RALB: variants seen among roughly 807,000 people sequenced by gnomAD.
RALB encodes the protein ras-related protein Ral-B.
Under a neutral mutation model 21.3 loss-of-function variants are expected in RALB, and 16 were observed. The ratio of observed to expected loss-of-function variants is 0.75; its 90% CI spans 0.51 to 1.14. The LOEUF (loss-of-function observed/expected upper bound fraction) is 1.14. Ranked by LOEUF, RALB falls within the 50% of genes most tolerant of loss-of-function variation. RALB has a pLI of 0.00. For missense variants in RALB, 161 were observed against 256.2 expected, an observed-to-expected ratio of 0.63 and a Z score of 2.54; for synonymous variants, 93 against 96.1, an observed-to-expected ratio of 0.97 and a Z score of 0.19.
chr2:120,256,470 T>C (rs564825026), intron 1 of RALB, among the ~76,000 whole-genome samples: 113 of 151,988 alleles, frequency 7.4e-4, no homozygotes, highest in African/African-American at 2.5e-3. Context: ...TGGGAGGTAA[T>C]TGAATCATGA....
At chr2:120,264,562 A>G (rs966145293) in intron 1 of RALB, among the ~76,000 whole-genome samples, 1 of 152,178 alleles carries the variant, frequency 6.6e-6, no homozygotes, top group Non-Finnish European at 1.5e-5. Context: ...CCACAACTGT[A>G]GTTGGTATAT....
At chr2:120,254,314 G>T (rs1422350513) in intron 1 of RALB, among the ~76,000 whole-genome samples, 1 of 152,186 alleles carries the variant, frequency 6.6e-6, no homozygotes, top group East Asian at 1.9e-4. Context: ...CATATCCTTT[G>T]TGCGTGGCTT....
At chr2:120,253,087 C>T (rs1689098597) in intron 1 of RALB, 107 bp downstream of exon 1, 6 of 781,474 alleles carry the variant, frequency 7.7e-6, no homozygotes, top group Non-Finnish European at 9.3e-6. Flanking sequence ...GGGCTGTGGC[C>T]GGGCGGCGGC....
intron 3 of RALB, among the ~76,000 whole-genome samples, chr2:120,288,100 G>A (rs1690210562): frequency 6.6e-6 from 1 of 152,148 alleles, no homozygotes; most frequent in South Asian, 2.1e-4. Flanking sequence ...GGATCGATAT[G>A]TTTATCAATG....
chr2:120,262,613 C>T (rs143634079), intron 1 of RALB, among the ~76,000 whole-genome samples: 6 of 152,252 alleles, frequency 3.9e-5, no homozygotes, highest in South Asian at 2.1e-4. Flanking sequence ...GTTCTAGCAC[C>T]GTAGTTCCCA....
chr2:120,252,579 T>G (rs1689076750), upstream of RALB, among the ~76,000 whole-genome samples: 1 of 152,204 alleles, frequency 6.6e-6, no homozygotes, highest in Non-Finnish European at 1.5e-5. Context: ...GCTCCTCCAC[T>G]GCCGCAGGGT....
intron 1 of RALB, among the ~76,000 whole-genome samples, chr2:120,247,173 C>T (rs567112027): frequency 2.6e-5 from 4 of 152,160 alleles, no homozygotes; most frequent in South Asian, 4.1e-4. Flanking sequence ...GGGGAGGACA[C>T]GAGAGGACAT....
intron 1 of RALB, among the ~76,000 whole-genome samples, chr2:120,262,781 T>A (rs915452989): frequency 6.6e-6 from 1 of 152,248 alleles, no homozygotes; most frequent in African/African-American, 2.4e-5. Flanking sequence ...CCATTGGTTA[T>A]GCCTCTAAGG....
At chr2:120,287,691 A>G (rs1252068971) in intron 3 of RALB, among the ~76,000 whole-genome samples, 11 of 152,258 alleles carry the variant, frequency 7.2e-5, no homozygotes. Context: ...ATGCACAGAT[A>G]GCACTCGGGC....
rs1329417832 is a variant in RALB at position 120,285,879 on chromosome 2, A to G, written c.120A>G (p.Val40=). Residue 40 remains valine, a synonymous_variant, in exon 3 of 5, where the codon GTA becomes GTG. Coordinates refer to ENST00000272519, the MANE Select transcript of RALB (RefSeq NM_002881.3). ...LTLQFMYDEF[V]EDYEPTKADS... ...GATAATGTTTATTTCCTCAGTTTGT[A>G]GAAGACTATGAACCTACCAAAGCTG... is the stretch of plus-strand genomic sequence containing the variant. 1.9e-6 allele frequency: 3 copies of G among 1,612,186 alleles called. No individual in the cohort carries two copies. Among genetic ancestry groups the G allele is most frequent in the South Asian group, 1.1e-5 (1 of 91,040 alleles).
At chr2:120,267,145 C>T (rs1339305527) in intron 1 of RALB, among the ~76,000 whole-genome samples, 1 of 152,142 alleles carries the variant, frequency 6.6e-6, no homozygotes, top group African/African-American at 2.4e-5. Context: ...GAAGGGACTC[C>T]AAAGCCTTCT....
At chr2:120,275,834 G>A (rs1242654090) in intron 1 of RALB, among the ~76,000 whole-genome samples, 3 of 152,196 alleles carry the variant, frequency 2.0e-5, no homozygotes, top group East Asian at 3.8e-4. Flanking sequence ...CAAGGGTGAG[G>A]TTTAGAGCAG....
At chr2:120,293,097 CTCTT>C in intron 4 of RALB, 40 bp from the exon 5 acceptor site, 1 of 1,533,212 alleles carries the variant, frequency 6.5e-7, no homozygotes, top group Non-Finnish European at 8.7e-7. Flanking sequence ...CATTAAATGG[CTCTT>C]TCTTCACTAT....
chr2:120,259,039 T>A (rs1325054992), intron 1 of RALB, among the ~76,000 whole-genome samples: 7 of 150,406 alleles, frequency 4.7e-5, no homozygotes, highest in Admixed American at 4.6e-4. Flanking sequence ...GCGTCTGGAG[T>A]TGTTCGTTCC....
exon 1 of RALB, chr2:120,240,081 A>G (rs1038569785): frequency 2.3e-6 from 3 of 1,289,112 alleles, no homozygotes; most frequent in African/African-American, 3.0e-5. Flanking sequence ...GCAGCGGGAG[A>G]GCGGGTGGCA....
intron 3 of RALB, among the ~76,000 whole-genome samples, chr2:120,287,702 G>A (rs958484370): frequency 5.3e-5 from 8 of 152,220 alleles, no homozygotes; most frequent in African/African-American, 1.2e-4. Context: ...GCACTCGGGC[G>A]TTCTCACAGA....
chr2:120,250,726 C>A (rs947154609), upstream of RALB, among the ~76,000 whole-genome samples: 11 of 152,172 alleles, frequency 7.2e-5, no homozygotes, highest in African/African-American at 2.4e-4. Context: ...ACTCAGCAGA[C>A]AAGAGGTCCC....
At chr2:120,287,277 G>C (rs990899267) in intron 3 of RALB, among the ~76,000 whole-genome samples, 3 of 152,180 alleles carry the variant, frequency 2.0e-5, no homozygotes, top group African/African-American at 7.2e-5. Context: ...ATAATAGGGA[G>C]GTGCCTCAGT....
rs1689930083 is a variant in RALB at position 120,279,471 on chromosome 2, A to AT, written c.114+694dup. Among the ~76,000 whole-genome samples, 9 of 152,222 alleles carry AT rather than the reference A, an allele frequency of 5.9e-5. No individual in the cohort carries two copies. In the South Asian group the frequency reaches 1.9e-3, roughly 32 times the overall value. Reference sequence around the variant, plus strand: ...AAACCCAATGAAAAATAACAATGCAATGATAAAAACAATACAAATTAAAAC... The same window carrying AT: ...AAACCCAATGAAAAATAACAATGCAATTGATAAAAACAATACAAATTAAAAC... On this transcript the variant is annotated intron_variant, in intron 2 of 4. Transcript: ENST00000272519.
Sources: gnomAD v4.1 joint callset for allele counts (sites outside exome capture counted in the v4.1 genomes callset) on GRCh38, gnomAD v4.1.1 for gene constraint, MANE v1.5 for transcripts, NCBI Gene and HGNC (gene_info 2026-07-23, HGNC 2026-07-21) for gene names.